The following KRAS variants were observed in gnomAD, a reference collection of about 807,000 sequenced individuals.
The protein encoded by KRAS is GTPase KRas.
A neutral mutation model predicts 21.0 loss-of-function variants in KRAS; 1 was observed. The ratio of observed to expected loss-of-function variants is 0.05; its 90% CI spans 0.02 to 0.23. The LOEUF (loss-of-function observed/expected upper bound fraction) is 0.23. Among genes scored for constraint, KRAS ranks in the 10% least tolerant of loss-of-function variants. KRAS has a pLI of 1.00. For missense variants in KRAS, 107 were observed against 221.8 expected, an observed-to-expected ratio of 0.48 and a Z score of 3.29; for synonymous variants, 67 against 72.5, an observed-to-expected ratio of 0.92 and a Z score of 0.39.
In KRAS at chr12:25,206,031, A is replaced by C; in HGVS notation, c.*3764T>G. On this transcript the variant is annotated 3_prime_UTR_variant, in exon 5 of 5. Coordinates refer to ENST00000311936, the MANE Select transcript of KRAS (RefSeq NM_004985.5). ...AAATCATTACTTTTTGACAAATGGA[A>C]ATCTTCAGATAGTTTTTGCTGTCTA... The C allele has an allele frequency of 4.8e-6, 1 of 209,458 alleles. No individual in the cohort carries two copies. The allele number at this position is 209,458 out of a possible 1,614,324, so 13.0% of individuals were successfully genotyped here. A position where few individuals can be genotyped will look rare whatever the true frequency, so the allele number is the denominator to read the frequency against.
intron 4 of KRAS, among the ~76,000 whole-genome samples, chr12:25,215,987 T>C (rs1951250505): frequency 6.6e-6 from 1 of 152,066 alleles, no homozygotes; most frequent in Non-Finnish European, 1.5e-5. Flanking sequence ...CAGGGGAGAA[T>C]GAGAAGAAAA....
intron 4 of KRAS, chr12:25,225,286 T>TTATTTTTATTTATA (rs1486092988): frequency 9.4e-5 from 1 of 10,624 alleles, no homozygotes; most frequent in African/African-American, 4.6e-4. Flanking sequence ...GCCCTGTTCT[T>TTATTTTTATTTATA]TATATATATA....
chr12:25,241,993 C>A (rs1015265400), intron 2 of KRAS, among the ~76,000 whole-genome samples: 1 of 151,638 alleles, frequency 6.6e-6, no homozygotes, highest in Non-Finnish European at 1.5e-5. Context: ...ATACTTCATT[C>A]GTAGGTAAAA....
chr12:25,214,790 T>C (rs1209305937), intron 4 of KRAS, among the ~76,000 whole-genome samples: 1 of 152,186 alleles, frequency 6.6e-6, no homozygotes, highest in Non-Finnish European at 1.5e-5. Flanking sequence ...CAAGAAATGA[T>C]AGGGGCCTGA....
At chr12:25,248,258 C>T (rs1035860541) in intron 1 of KRAS, among the ~76,000 whole-genome samples, 1 of 151,896 alleles carries the variant, frequency 6.6e-6, no homozygotes, top group Non-Finnish European at 1.5e-5. Flanking sequence ...GTCAGGAGGT[C>T]GAGACCAGCC....
intron 1 of KRAS, among the ~76,000 whole-genome samples, chr12:25,245,705 G>A (rs1314169386): frequency 6.6e-6 from 1 of 152,068 alleles, no homozygotes; most frequent in Admixed American, 6.6e-5. Context: ...GTTCTGCGGC[G>A]GCTAAAGGCT....
At position 25,214,216 on chromosome 12, in the gene KRAS, T is replaced by C. The variant is rs193170938; in HGVS notation, c.451-4305A>G. Among the ~76,000 whole-genome samples the C allele has an allele frequency of 2.0e-3, 311 of 152,106 alleles. 1 individual carries two copies. Among genetic ancestry groups the C allele is most frequent in the Middle Eastern group, 6.8e-3 (2 of 294 alleles). On this transcript the variant is annotated intron_variant, in intron 4 of 4. Coordinates refer to ENST00000311936, the MANE Select transcript of KRAS (RefSeq NM_004985.5). The stretch of plus-strand genomic sequence containing the variant: ...TGGCATTCCAAACAAGAGCCAAGAC[T>C]CAAGGGAAGGTAGGAAATAACATGG...
chr12:25,240,680 T>C (rs887233928), intron 2 of KRAS, among the ~76,000 whole-genome samples: 3 of 152,170 alleles, frequency 2.0e-5, no homozygotes, highest in Non-Finnish European at 4.4e-5. Context: ...AACCAGAATC[T>C]TAGGAGATTC....
chr12:25,216,447 G>A (rs1592799436), intron 4 of KRAS, among the ~76,000 whole-genome samples: 2 of 151,950 alleles, frequency 1.3e-5, no homozygotes, highest in African/African-American at 2.4e-5. Flanking sequence ...ACTGATTTTT[G>A]TATTTTTCGT....
At chr12:25,215,655 T>C in intron 4 of KRAS, 1 of 1,074,918 alleles carries the variant, frequency 9.3e-7, no homozygotes, top group Non-Finnish European at 1.4e-6. Flanking sequence ...ATTATGAGCT[T>C]GAGATTTTTT....
intron 2 of KRAS, among the ~76,000 whole-genome samples, chr12:25,228,889 T>A (rs147850170): frequency 0.032 from 4,884 of 152,166 alleles, 151 homozygotes; most frequent in Middle Eastern, 0.048. Flanking sequence ...TGAAACCCCA[T>A]CTCTATTAAA....
At position 25,205,391 on chromosome 12, in the gene KRAS, A is replaced by ATGTT. The variant is rs1951124344; in HGVS notation, c.*4400_*4403dup. 9.3e-6 allele frequency: 2 copies of ATGTT among 215,224 alleles called. No homozygotes were observed. Among genetic ancestry groups the ATGTT allele is most frequent in the African/African-American group, 2.2e-5 (1 of 44,486 alleles). The allele number at this position is 215,224 out of a possible 1,614,324, so 13.3% of individuals were successfully genotyped here. On this transcript the variant is annotated 3_prime_UTR_variant, in exon 5 of 5. Coordinates refer to ENST00000311936, the MANE Select transcript of KRAS (RefSeq NM_004985.5). Reference sequence around the variant, plus strand: ...TCAATTAAAAGAGTGGTCATTTTTAATGTTTGATATGACCAACATTCCTAG... The same window carrying ATGTT: ...TCAATTAAAAGAGTGGTCATTTTTAATGTTTGTTTGATATGACCAACATTCCTAG...
rs546245516 is a variant in KRAS at position 25,217,222 on chromosome 12, A to C, written c.451-7311T>G. Among the ~76,000 whole-genome samples, 11 of 152,328 alleles carry C rather than the reference A, an allele frequency of 7.2e-5. No individual in the cohort carries two copies. The South Asian group carries it at 2.3e-3, about 32-fold the overall frequency. ...CCAATGGCTAGGGCTTAATTTTTGCATGCAGAAGTCATCTGTACATCTACT... is the reference window on the plus strand; with the variant it reads ...CCAATGGCTAGGGCTTAATTTTTGCCTGCAGAAGTCATCTGTACATCTACT... On this transcript the variant is annotated intron_variant, in intron 4 of 4. Transcript: ENST00000311936.
At chr12:25,229,862 G>A (rs1322629276) in intron 2 of KRAS, among the ~76,000 whole-genome samples, 1 of 151,368 alleles carries the variant, frequency 6.6e-6, no homozygotes, top group Non-Finnish European at 1.5e-5. Flanking sequence ...TCTGCCTCCT[G>A]GGCTCGAGTG....
At chr12:25,216,933 T>C (rs1200182788) in intron 4 of KRAS, among the ~76,000 whole-genome samples, 1 of 152,206 alleles carries the variant, frequency 6.6e-6, no homozygotes, top group Non-Finnish European at 1.5e-5. Flanking sequence ...AAGGTGAATA[T>C]TTTTTAAAGC....
At chr12:25,227,791 A>G (rs1951411660) in intron 2 of KRAS, among the ~76,000 whole-genome samples, 1 of 152,224 alleles carries the variant, frequency 6.6e-6, no homozygotes, top group South Asian at 2.1e-4. Context: ...AAACAGTGGT[A>G]GTTCCTCAAA....
chr12:25,219,407 G>GT (rs1414025660), intron 4 of KRAS, among the ~76,000 whole-genome samples: 5 of 152,102 alleles, frequency 3.3e-5, no homozygotes, highest in African/African-American at 1.2e-4. Context: ...ATACTTGTGA[G>GT]GCTATGGAAA....
intron 1 of KRAS, among the ~76,000 whole-genome samples, chr12:25,245,597 A>C (rs1211124155): frequency 6.6e-6 from 1 of 152,230 alleles, no homozygotes; most frequent in African/African-American, 2.4e-5. Flanking sequence ...CTTCATTTAC[A>C]AACTCCTCCA....
At chr12:25,244,584 T>C (rs1457742429) in intron 2 of KRAS, among the ~76,000 whole-genome samples, 5 of 152,170 alleles carry the variant, frequency 3.3e-5, no homozygotes, top group Non-Finnish European at 5.9e-5. Context: ...CTTATCATTC[T>C]GCTGCTGGTC....
Sources: allele counts gnomAD v4.1 joint callset (sites outside exome capture counted in the v4.1 genomes callset), GRCh38; gene constraint gnomAD v4.1.1; transcripts MANE v1.5; gene names NCBI Gene and HGNC (gene_info 2026-07-23, HGNC 2026-07-21).